TRPM1: variants seen among roughly 807,000 people sequenced by gnomAD.
TRPM1 encodes TRPM1-203 APA Isoform, Intron 10.
TRPM1 carries 113 observed loss-of-function variants against 149.4 expected under a neutral mutation model. The ratio of observed to expected loss-of-function variants is 0.76; its 90% CI spans 0.65 to 0.88. The LOEUF (loss-of-function observed/expected upper bound fraction) is 0.88, where lower values mean the gene tolerates loss of function less well. Among genes scored for constraint, TRPM1 ranks in the 40% least tolerant of loss-of-function variants. TRPM1 has a pLI of 0.00. For missense variants in TRPM1, 1,976 were observed against 2,038.7 expected (o/e 0.97, Z 0.59); for synonymous variants, 741 against 759.5 (o/e 0.98, Z 0.40).
Position 31,067,149 on chromosome 15 carries a change from A to C in TRPM1, c.532T>G (p.Ser178Ala). Reference protein sequence around the residue: ...SHVGDALKDHSSKSRGRVCAI... With the variant: ...SHVGDALKDHASKSRGRVCAI... ...CAAACCCGGCCTCTGGACTTGGAGG[A>C]GTGGTCTTTCAAGGCATCCCCTACG... The change falls in exon 6 of 28, where the codon TCC (serine) becomes GCC (alanine). Residue 178 changes from serine to alanine, a missense_variant. Ser to Ala is a moderately conservative substitution (Grantham distance 99). Around this residue, in one of 3 missense-constraint regions of TRPM1, gnomAD observed 1,332 missense variants for 1,347.1 expected, o/e 0.99. Coordinates refer to ENST00000256552, the MANE Select transcript of TRPM1 (RefSeq NM_001252024.2). The C allele has an allele frequency of 6.2e-7, 1 of 1,614,112 alleles. No homozygotes were observed. Among genetic ancestry groups the C allele is most frequent in the Non-Finnish European group, 8.5e-7 (1 of 1,180,022 alleles).
chr15:31,066,187 A>T lies in TRPM1; in HGVS notation c.679T>A (p.Ser227Thr). ...PLSKLSVLNN[S>T]HTHFILADNG... ...TCAGCCAGGATGAAGTGGGTGTGGG[A>T]GTTGTTGAGCACAGAGAGCTTACTT... Residue 227 changes from serine to threonine, a missense_variant, in exon 7 of 28, where the codon TCC (serine) becomes ACC (threonine). Around this residue, in one of 3 missense-constraint regions of TRPM1, gnomAD observed 1,332 missense variants for 1,347.1 expected, o/e 0.99. Coordinates refer to ENST00000256552, the MANE Select transcript of TRPM1 (RefSeq NM_001252024.2). 6.2e-7 allele frequency: 1 copy of T among 1,614,124 alleles called. No individual in the cohort carries two copies. The highest frequency in any genetic ancestry group is 1.1e-5 in the South Asian group (1 of 91,074).
chr15:31,048,065 C>T, intron 13 of TRPM1, 126 bp from the exon 14 acceptor site: 1 of 795,510 alleles, frequency 1.3e-6, no homozygotes. Context: ...TAGTTTGAGG[C>T]CAGCCTGGCC....
intron 27 of TRPM1, 79 bp downstream of exon 27, chr15:31,026,060 C>G: frequency 6.3e-7 from 1 of 1,587,294 alleles, no homozygotes; most frequent in Non-Finnish European, 8.6e-7. Context: ...TAAATGAACT[C>G]TGGCATCCCC....
At chr15:31,031,537 G>T (rs552349088) in intron 22 of TRPM1, among the ~76,000 whole-genome samples, 3 of 152,162 alleles carry the variant, frequency 2.0e-5, no homozygotes, top group Non-Finnish European at 4.4e-5. Flanking sequence ...GAAATAAAAC[G>T]ATAATGAATT....
intron 1 of TRPM1, among the ~76,000 whole-genome samples, chr15:31,155,540 A>T (rs2036359807): frequency 6.6e-6 from 1 of 152,232 alleles, no homozygotes; most frequent in Admixed American, 6.5e-5. Flanking sequence ...ACATGTTTAA[A>T]TTGTGAAAAC....
At position 31,001,174 on chromosome 15, in the gene TRPM1, T is replaced by C. The variant is rs551896649; in HGVS notation, c.*648A>G. 4.6e-5 allele frequency: 7 copies of C among 152,348 alleles called. No homozygotes were observed. Among genetic ancestry groups the C allele is most frequent in the African/African-American group, 1.7e-4 (7 of 41,566 alleles). The allele number at this position is 152,348 out of a possible 1,614,324, so 9.4% of individuals were successfully genotyped here. A position where few individuals can be genotyped will look rare whatever the true frequency, so the allele number is the denominator to read the frequency against. On this transcript the variant is annotated 3_prime_UTR_variant, in exon 28 of 28. Transcript: ENST00000256552. ...GTACTTTTTTTCCCATTGTGTAGTT[T>C]AAAATAAAACATTAAAACAGAAAAC...
intron 16 of TRPM1, 174 bp from the exon 17 acceptor site, chr15:31,042,417 T>C (rs1217088732): frequency 2.9e-6 from 2 of 700,166 alleles, no homozygotes; most frequent in Admixed American, 2.7e-5. Context: ...ACACGTTTAT[T>C]ATGATAAGTA....
At chr15:31,064,056 C>T (rs2034305641) in intron 7 of TRPM1, among the ~76,000 whole-genome samples, 1 of 152,186 alleles carries the variant, frequency 6.6e-6, no homozygotes, top group African/African-American at 2.4e-5. Context: ...CTGGCTTCTC[C>T]CTTATGACAC....
chr15:31,063,171 G>A lies in TRPM1; in HGVS notation c.912C>T (p.Ser304=), dbSNP rs373452286. 8.1e-6 allele frequency: 13 copies of A among 1,614,056 alleles called. No individual in the cohort carries two copies. Among genetic ancestry groups the A allele is most frequent in the Middle Eastern group, 1.6e-4 (1 of 6,084 alleles). ...AGGACAGGATGTCCGAGGCACGTCC[G>A]CTGCCATCACAAATCACCACAGGGA... is the stretch of plus-strand genomic sequence containing the variant. ...PPIPVVICDG[S]GRASDILSFA... Residue 304 remains serine, a synonymous_variant, in exon 8 of 28, where the codon AGC becomes AGT. Transcript: ENST00000256552.
chr15:31,088,431 G>A (rs2035068656), intron 1 of TRPM1, among the ~76,000 whole-genome samples: 2 of 152,186 alleles, frequency 1.3e-5, no homozygotes, highest in Non-Finnish European at 2.9e-5. Context: ...CCACCTTTAA[G>A]AGCTGTAACA....
intron 27 of TRPM1, among the ~76,000 whole-genome samples, chr15:31,019,199 G>C (rs1451859262): frequency 6.6e-6 from 1 of 152,136 alleles, no homozygotes; most frequent in South Asian, 2.1e-4. Flanking sequence ...CAGAACTACT[G>C]ATCATAAAGT....
chr15:31,041,095 C>T (rs538001742), intron 17 of TRPM1, among the ~76,000 whole-genome samples: 1 of 152,114 alleles, frequency 6.6e-6, no homozygotes, highest in South Asian at 2.1e-4. Flanking sequence ...AAGTTTACTG[C>T]CTTCCCCACA....
chr15:31,105,470 T>TGC (rs1280103270), upstream of TRPM1, among the ~76,000 whole-genome samples: 30 of 117,920 alleles, frequency 2.5e-4, no homozygotes, highest in Admixed American at 9.5e-4. Context: ...TGTGTGTGTG[T>TGC]GTGCGCGCGC....
intron 1 of TRPM1, among the ~76,000 whole-genome samples, chr15:31,148,556 G>C (rs902120629): frequency 1.3e-5 from 2 of 152,184 alleles, no homozygotes; most frequent in Non-Finnish European, 2.9e-5. Context: ...GCTTTGTTCC[G>C]TGAAAGGAGG....
intron 4 of TRPM1, among the ~76,000 whole-genome samples, chr15:31,068,744 C>CAAAAAAAAAAAA (rs60411633): frequency 1.2e-4 from 7 of 60,214 alleles, no homozygotes; most frequent in Admixed American, 2.2e-4. Flanking sequence ...AACTCCAACT[C>CAAAAAAAAAAAA]AAAAAAAAAA....
chr15:31,013,275 C>A (rs191744683), intron 27 of TRPM1, among the ~76,000 whole-genome samples: 19 of 152,144 alleles, frequency 1.2e-4, no homozygotes, highest in Middle Eastern at 3.4e-3. Flanking sequence ...TCTCCCAAAG[C>A]TCTGGGATTA....
intron 16 of TRPM1, among the ~76,000 whole-genome samples, chr15:31,043,315 C>G (rs930240771): frequency 6.6e-6 from 1 of 152,200 alleles, no homozygotes; most frequent in African/African-American, 2.4e-5. Context: ...TGCCTCACCT[C>G]TGGAGTAGCT....
chr15:31,113,571 G>C (rs952771403), intron 1 of TRPM1, among the ~76,000 whole-genome samples: 2 of 151,748 alleles, frequency 1.3e-5, no homozygotes, highest in African/African-American at 4.9e-5. Flanking sequence ...TTAACTTTAG[G>C]TTCCCCCATA....
At chr15:31,110,491 G>A (rs957742434) in intron 1 of TRPM1, among the ~76,000 whole-genome samples, 1 of 152,212 alleles carries the variant, frequency 6.6e-6, no homozygotes, top group Non-Finnish European at 1.5e-5. Context: ...CGGATATTTG[G>A]AACGTGGGTC....
Sources: allele counts gnomAD v4.1 joint callset (sites outside exome capture counted in the v4.1 genomes callset), GRCh38; gene constraint gnomAD v4.1.1; regional missense constraint gnomAD v4.1.1; transcripts MANE v1.5; gene names NCBI Gene and HGNC (gene_info 2026-07-23, HGNC 2026-07-21).